Variants in C12orf43 observed in about 807,000 individuals in gnomAD.
C12orf43 encodes chromosome 12 open reading frame 43, also known as protein CUSTOS.
C12orf43 carries 15 observed loss-of-function variants against 20.6 expected under a neutral mutation model. The ratio of observed to expected loss-of-function variants is 0.73; its 90% CI spans 0.49 to 1.12. The LOEUF (loss-of-function observed/expected upper bound fraction) is 1.12. Ranked by LOEUF, C12orf43 falls within the 50% of genes most tolerant of loss-of-function variation. The probability of loss-of-function intolerance (pLI) is 0.00; values close to 1 mark genes in which losing one functional copy is unlikely to be tolerated. For missense variants in C12orf43, 334 were observed against 344.4 expected (o/e 0.97, Z 0.24); for synonymous variants, 144 against 130.8 (o/e 1.10, Z -0.69).
rs745879565 is a variant in C12orf43, at chr12:121,012,428, A to T, written c.146-1282T>A. The T allele has an allele frequency of 4.8e-5, 34 of 702,602 alleles. No individual in the cohort carries two copies. The East Asian group carries it at 9.1e-4, about 19-fold the overall frequency. 43.5% of individuals were successfully genotyped at this position (702,602 alleles called of 1,614,324 possible). On this transcript the variant is annotated intron_variant, in intron 1 of 5. Coordinates refer to ENST00000288757, the MANE Select transcript of C12orf43 (RefSeq NM_022895.3). ...ATGAGCAGAGAAGGGACATAAACTG[A>T]CCTGGGTTTTGACAGAACATCTTTG...
intron 3 of C12orf43, chr12:121,006,763 C>T (rs546506339): frequency 2.1e-4 from 38 of 184,354 alleles, no homozygotes; most frequent in African/African-American, 9.0e-4. Flanking sequence ...CGGTGAAACC[C>T]CATCTCTACT....
Position 121,003,767 on chromosome 12 carries a change from G to GGT in C12orf43, c.*384_*385dup, listed in dbSNP as rs966596699. ...ACTGTTTCTCACACCAGGCTAAGGA[G>GGT]GTGGTGGGGAAGGTCTCCCTTCCCC... On this transcript the variant is annotated 3_prime_UTR_variant, in exon 6 of 6. Coordinates refer to ENST00000288757, the MANE Select transcript of C12orf43 (RefSeq NM_022895.3). The GGT allele has an allele frequency of 4.6e-6, 1 of 218,750 alleles. No homozygotes were observed. The highest frequency in any genetic ancestry group is 9.1e-6 in the Non-Finnish European group (1 of 110,174). 13.6% of individuals were successfully genotyped at this position (218,750 alleles called of 1,614,324 possible). A position where few individuals can be genotyped will look rare whatever the true frequency, so the allele number is the denominator to read the frequency against.
In C12orf43 at chr12:121,001,389, G is replaced by A; in HGVS notation, c.*2764C>T. 1.5e-6 allele frequency: 1 copy of A among 645,322 alleles called. No individual in the cohort carries two copies. The allele number at this position is 645,322 out of a possible 1,614,324, so 40.0% of individuals were successfully genotyped here. A position where few individuals can be genotyped will look rare whatever the true frequency, so the allele number is the denominator to read the frequency against. Reference sequence around the variant, plus strand: ...CCCCAACCCGTGGAGGCTGCTCGGGGTGCACAGGAGGGGGTCGTGGAGAGC... The same window carrying A: ...CCCCAACCCGTGGAGGCTGCTCGGGATGCACAGGAGGGGGTCGTGGAGAGC... On this transcript the variant is annotated 3_prime_UTR_variant, in exon 6 of 6. Transcript: ENST00000288757.
chr12:121,000,994 C>G lies in C12orf43; in HGVS notation c.*3159G>C. 3 of 1,602,908 alleles carry G rather than the reference C, an allele frequency of 1.9e-6. No individual in the cohort carries two copies. The highest frequency in any genetic ancestry group is 2.5e-6 in the Non-Finnish European group (3 of 1,176,648). On this transcript the variant is annotated 3_prime_UTR_variant, in exon 6 of 6. Transcript: ENST00000288757. ...GGCCCTGCCTCCCCATCCTGAGTAC[C>G]CCTAGGGACAGGCAGGTGGGGTGGG...
At chr12:121,006,178 T>G (rs952287787) in intron 4 of C12orf43, 143 bp downstream of exon 4, 1 of 694,772 alleles carries the variant, frequency 1.4e-6, no homozygotes, top group Non-Finnish European at 2.4e-6. Flanking sequence ...ATTGCTCCAC[T>G]GCACTCCAGC....
intron 1 of C12orf43, 104 bp from the exon 2 acceptor site, chr12:121,011,250 T>C (rs1352499152): frequency 3.6e-6 from 3 of 824,692 alleles, no homozygotes; most frequent in Non-Finnish European, 6.1e-6. Context: ...ATATAACTCA[T>C]ATATATACAT....
intron 3 of C12orf43, 23 bp downstream of exon 3, chr12:121,010,804 AG>A: frequency 6.4e-7 from 1 of 1,570,802 alleles, no homozygotes; most frequent in African/African-American, 1.4e-5. Flanking sequence ...AGGGCAAGAG[AG>A]GAGAAACTCC....
intron 1 of C12orf43, 126 bp from the exon 2 acceptor site, chr12:121,011,272 T>G (rs1878438295): frequency 3.7e-6 from 2 of 542,084 alleles, no homozygotes; most frequent in Admixed American, 6.9e-5. Flanking sequence ...CACATGTAAC[T>G]CATATATATT....
At chr12:121,008,209 A>G (rs1163883000) in intron 3 of C12orf43, among the ~76,000 whole-genome samples, 1 of 151,568 alleles carries the variant, frequency 6.6e-6, no homozygotes, top group African/African-American at 2.4e-5. Flanking sequence ...ATCTCAGCTC[A>G]CTGCAACCTC....
Position 121,004,386 on chromosome 12 carries a change from C to T in C12orf43, c.556G>A (p.Glu186Lys). 3 of 1,614,174 alleles carry T rather than the reference C, an allele frequency of 1.9e-6. No individual in the cohort carries two copies. The highest frequency in any genetic ancestry group is 2.5e-6 in the Non-Finnish European group (3 of 1,180,046). The change falls in exon 6 of 6, where the codon GAG (glutamate) becomes AAG (lysine). Residue 186 changes from glutamate (E) to lysine (K), a missense_variant. Physicochemically the swap from Glu to Lys is moderately conservative, Grantham distance 56. Transcript: ENST00000288757. This position sits in a 1 kb window ranked among gnomAD's most constrained non-coding sequence, Gnocchi z 5.6. ...TTCAACTTCCTTTTCTTCTTTGCCT[C>T]CTTCTCCACTGTTCCAGGGCTGTGG... ...AIHSPGTVEK[E>K]AKKKRKLKKK...
Position 121,005,498 on chromosome 12 carries a change from G to A in C12orf43, c.362-405C>T, listed in dbSNP as rs1877938007. Among the ~76,000 whole-genome samples the A allele has an allele frequency of 1.3e-5, 2 of 152,364 alleles. No individual in the cohort carries two copies. The highest frequency in any genetic ancestry group is 4.1e-4 in the South Asian group (2 of 4,830). On this transcript the variant is annotated intron_variant, in intron 4 of 5. Transcript: ENST00000288757. The surrounding 1 kb of genome is among the most constrained non-coding windows in gnomAD (Gnocchi z 5.6). ...GTCATGCTGATGCCTGATGGAGCCA[G>A]TGGAGGGCGCGCTGGAGCAGGAGCC... is the stretch of plus-strand genomic sequence containing the variant.
rs933431509 is a variant in C12orf43 at position 121,000,814 on chromosome 12, G to A, written c.*3339C>T. 7.3e-5 allele frequency: 39 copies of A among 530,644 alleles called. No homozygotes were observed. Among genetic ancestry groups the A allele is most frequent in the South Asian group, 3.0e-4 (15 of 50,320 alleles). The allele number at this position is 530,644 out of a possible 1,614,324, so 32.9% of individuals were successfully genotyped here. ...GCCAACACGTACAACTACCTACCTCGGCATCTCACCGGGGCTTCTCCAGTG... is the reference window on the plus strand; with the variant it reads ...GCCAACACGTACAACTACCTACCTCAGCATCTCACCGGGGCTTCTCCAGTG... On this transcript the variant is annotated 3_prime_UTR_variant, in exon 6 of 6. Transcript: ENST00000288757.
intron 1 of C12orf43, chr12:121,012,434 G>T (rs775445738): frequency 1.4e-6 from 1 of 702,646 alleles, no homozygotes; most frequent in South Asian, 1.5e-5. Context: ...ACTGACCTGG[G>T]TTTTGACAGA....
intron 1 of C12orf43, chr12:121,012,547 G>C (rs1470016614): frequency 1.4e-6 from 1 of 699,764 alleles, no homozygotes; most frequent in Non-Finnish European, 2.6e-6. Flanking sequence ...ACTCCAGATA[G>C]ATGCACTTTT....
In C12orf43 at chr12:121,001,318, CT is replaced by C; in HGVS notation, c.*2834del. 2 of 1,166,034 alleles carry C rather than the reference CT, an allele frequency of 1.7e-6. No homozygotes were observed. The allele number at this position is 1,166,034 out of a possible 1,614,324, so 72.2% of individuals were successfully genotyped here. A position where few individuals can be genotyped will look rare whatever the true frequency, so the allele number is the denominator to read the frequency against. ...GCCCTTCCTGGACAGCTGTGCCTCG[CT>C]CCCCACTCTGCTCTGATGCATCAGA... On this transcript the variant is annotated 3_prime_UTR_variant, in exon 6 of 6. Transcript: ENST00000288757.
Position 121,005,456 on chromosome 12 carries a change from T to C in C12orf43, c.362-363A>G. On this transcript the variant is annotated intron_variant, in intron 4 of 5. Transcript: ENST00000288757. The surrounding 1 kb of genome is among the most constrained non-coding windows in gnomAD (Gnocchi z 5.6). ...AATCAGTCGTCTAACTACAAAGTGA[T>C]TCTGCATCTGCCAAGGGTCATGCTG... 6.6e-6 allele frequency among the ~76,000 whole-genome samples: 1 copy of C among 152,176 alleles called. No individual in the cohort carries two copies. The highest frequency in any genetic ancestry group is 6.5e-5 in the Admixed American group (1 of 15,282).
chr12:121,005,048 T>C lies in C12orf43; in HGVS notation c.407A>G (p.Glu136Gly), dbSNP rs1443009680. The change falls in exon 5 of 6, where the codon GAA (glutamate) becomes GGA (glycine). Residue 136 changes from glutamate (E) to glycine (G), a missense_variant. Glu to Gly is a moderately conservative substitution (Grantham distance 98). Transcript: ENST00000288757. The surrounding 1 kb of genome is among the most constrained non-coding windows in gnomAD (Gnocchi z 5.6). ...CTTTCGGCGGGGTTGGGGAGACTCTTCCTTCTCACGGCCTCCAGGGACAGA... is the reference window on the plus strand; with the variant it reads ...CTTTCGGCGGGGTTGGGGAGACTCTCCCTTCTCACGGCCTCCAGGGACAGA... ...FTSVPGGREK[E>G]ESPQPRRKRQ... 7 of 1,513,732 alleles carry C rather than the reference T, an allele frequency of 4.6e-6. No homozygotes were observed. The highest frequency in any genetic ancestry group is 6.2e-6 in the Non-Finnish European group (7 of 1,126,494). The allele number at this position is 1,513,732 out of a possible 1,614,324, so 93.8% of individuals were successfully genotyped here.
rs1489188054 is a variant in C12orf43 at position 121,005,163 on chromosome 12, TAAAG to T, written c.362-74_362-71del. ...AAAAGAAACATAAAAAAATAAAAAA[TAAAG>T]AAACAAAAAAGAAAAAAATTTTAAA... is the stretch of plus-strand genomic sequence containing the variant. On this transcript the variant is annotated intron_variant, in intron 4 of 5. Transcript: ENST00000288757. This position sits in a 1 kb window ranked among gnomAD's most constrained non-coding sequence, Gnocchi z 5.6. 52 of 828,864 alleles carry T rather than the reference TAAAG, an allele frequency of 6.3e-5. No homozygotes were observed. The highest frequency in any genetic ancestry group is 3.8e-4 in the South Asian group (6 of 15,996). The allele number at this position is 828,864 out of a possible 1,614,324, so 51.3% of individuals were successfully genotyped here.
chr12:121,015,940 G>A (rs1335602062), intron 1 of C12orf43, among the ~76,000 whole-genome samples: 2 of 152,200 alleles, frequency 1.3e-5, no homozygotes, highest in Non-Finnish European at 2.9e-5. Context: ...GTCACGGTCA[G>A]AGTGATGTGC....
Sources: allele counts gnomAD v4.1 joint callset (sites outside exome capture counted in the v4.1 genomes callset), GRCh38; gene constraint gnomAD v4.1.1; non-coding constraint Gnocchi (gnomAD v3.1); transcripts MANE v1.5; gene names NCBI Gene and HGNC (gene_info 2026-07-23, HGNC 2026-07-21).